ZDHHC17: variants seen among roughly 807,000 people sequenced by gnomAD.
The protein encoded by ZDHHC17 is zDHHC palmitoyltransferase 17.
In ZDHHC17, 40 loss-of-function variants were observed where a neutral mutation model predicts 90.3. That is an observed-to-expected ratio of 0.44 (90% CI 0.34 to 0.58). The LOEUF is 0.58. Ranked by LOEUF, ZDHHC17 falls within the 20% of genes least tolerant of loss-of-function variation. The pLI is 0.01. For missense variants in ZDHHC17, 614 were observed against 780.8 expected, an observed-to-expected ratio of 0.79 and a Z score of 2.55; for synonymous variants, 235 against 252.4, an observed-to-expected ratio of 0.93 and a Z score of 0.65.
At chr12:76,813,884 A>G (rs2137767588) in intron 5 of ZDHHC17, among the ~76,000 whole-genome samples, 1 of 152,236 alleles carries the variant, frequency 6.6e-6, no homozygotes, top group East Asian at 1.9e-4. Context: ...AAAGTAATTT[A>G]GCCTACAATC....
At chr12:76,828,548 A>T in intron 10 of ZDHHC17, 58 bp downstream of exon 10, 1 of 1,469,908 alleles carries the variant, frequency 6.8e-7, no homozygotes, top group Non-Finnish European at 9.5e-7. Context: ...ATTTGAATAG[A>T]TGTTTAATAA....
chr12:76,809,047 T>C lies in ZDHHC17; in HGVS notation c.325T>C (p.Tyr109His). 6.6e-7 allele frequency: 1 copy of C among 1,522,444 alleles called. No individual in the cohort carries two copies. Among genetic ancestry groups the C allele is most frequent in the South Asian group, 1.4e-5 (1 of 73,486 alleles). 94.3% of individuals were successfully genotyped at this position (1,522,444 alleles called of 1,614,324 possible). A position where few individuals can be genotyped will look rare whatever the true frequency, so the allele number is the denominator to read the frequency against. The change falls in exon 4 of 17, where the codon TAT (tyrosine) becomes CAT (histidine). Residue 109 changes from tyrosine (Y) to histidine (H), a missense_variant. Coordinates refer to ENST00000426126, the MANE Select transcript of ZDHHC17 (RefSeq NM_015336.4). ...INNRIDLVKY[Y>H]ISKGAIVDQL... ...ATTATAAATTTTGTCTTATAGATAC[T>C]ATATTTCGAAAGGTGCTATTGTGGA...
chr12:76,765,633 G>A (rs1010698545), intron 1 of ZDHHC17, among the ~76,000 whole-genome samples: 6 of 152,204 alleles, frequency 3.9e-5, no homozygotes, highest in African/African-American at 1.2e-4. Flanking sequence ...TGAAAATGTT[G>A]CTAAGTGATT....
chr12:76,775,610 T>C (rs1170416765), intron 1 of ZDHHC17, among the ~76,000 whole-genome samples: 2 of 152,176 alleles, frequency 1.3e-5, no homozygotes, highest in Non-Finnish European at 2.9e-5. Context: ...AAGCATTCAG[T>C]TCAGTTGGCA....
chr12:76,785,879 A>G (rs1157608698), intron 1 of ZDHHC17, among the ~76,000 whole-genome samples: 1 of 152,198 alleles, frequency 6.6e-6, no homozygotes. Flanking sequence ...GGACCACTTC[A>G]TGAAGGATTT....
rs79343145 is a variant in ZDHHC17 at position 76,776,955 on chromosome 12, G to C, written c.93+12626G>C. 4.3e-3 allele frequency among the ~76,000 whole-genome samples: 655 copies of C among 152,260 alleles called. 5 individuals carry two copies. The highest frequency in any genetic ancestry group is 0.015 in the African/African-American group (625 of 41,550). The stretch of plus-strand genomic sequence containing the variant: ...AACTTTTCTTGAACTTTTTAAAATA[G>C]TTGTAGATTCACATGCAGTTGTAAG... On this transcript the variant is annotated intron_variant, in intron 1 of 16. Coordinates refer to ENST00000426126, the MANE Select transcript of ZDHHC17 (RefSeq NM_015336.4).
chr12:76,790,956 G>T (rs1423084449), intron 1 of ZDHHC17, among the ~76,000 whole-genome samples: 2 of 152,124 alleles, frequency 1.3e-5, no homozygotes, highest in African/African-American at 4.8e-5. Context: ...TACAAACACA[G>T]ATTTTTAATG....
At chr12:76,774,113 G>A (rs534844627) in intron 1 of ZDHHC17, among the ~76,000 whole-genome samples, 2 of 152,138 alleles carry the variant, frequency 1.3e-5, no homozygotes, top group Admixed American at 1.3e-4. Flanking sequence ...AGCTGGGTGT[G>A]GTGATGCATG....
chr12:76,820,957 G>A, intron 7 of ZDHHC17: 1 of 701,546 alleles, frequency 1.4e-6, no homozygotes, highest in South Asian at 1.5e-5. Flanking sequence ...TGAATTGAGT[G>A]TTTATTTTAC....
At chr12:76,773,542 T>A (rs1223581827) in intron 1 of ZDHHC17, among the ~76,000 whole-genome samples, 1 of 152,136 alleles carries the variant, frequency 6.6e-6, no homozygotes, top group African/African-American at 2.4e-5. Context: ...TTCTGCAAAG[T>A]GTATATGTTG....
At chr12:76,827,108 C>T in intron 9 of ZDHHC17, 58 bp downstream of exon 9, 6 of 1,471,000 alleles carry the variant, frequency 4.1e-6, no homozygotes, top group South Asian at 2.9e-5. Context: ...ATAATTTGTA[C>T]TCTTGTATAA....
chr12:76,818,429 G>GTC (rs938967938), intron 7 of ZDHHC17, among the ~76,000 whole-genome samples: 62 of 152,214 alleles, frequency 4.1e-4, no homozygotes, highest in African/African-American at 1.4e-3. Flanking sequence ...GACAGATAAG[G>GTC]TCTCTATTCT....
At chr12:76,822,254 CAT>C (rs1258699774) in intron 7 of ZDHHC17, among the ~76,000 whole-genome samples, 150 bp from the exon 8 acceptor site, 17 of 152,054 alleles carry the variant, frequency 1.1e-4, no homozygotes, top group Non-Finnish European at 2.4e-4. Context: ...TAATAAGAAA[CAT>C]GTAATGATGC....
At chr12:76,764,782 C>T in intron 1 of ZDHHC17, 2 of 458,128 alleles carry the variant, frequency 4.4e-6, no homozygotes, top group Non-Finnish European at 8.8e-6. Flanking sequence ...TGTGAGGGGA[C>T]AGTTTCATGG....
intron 1 of ZDHHC17, among the ~76,000 whole-genome samples, chr12:76,774,297 AAT>A (rs879737650): frequency 4.7e-4 from 39 of 83,310 alleles, no homozygotes; most frequent in Admixed American, 2.2e-3. Context: ...TATGTGTGTA[AAT>A]ATATATATAT....
chr12:76,814,715 T>G (rs539432752), intron 5 of ZDHHC17, among the ~76,000 whole-genome samples: 2 of 152,066 alleles, frequency 1.3e-5, no homozygotes, highest in East Asian at 3.9e-4. Flanking sequence ...AATGTACATG[T>G]GTAACAGTAA....
intron 1 of ZDHHC17, among the ~76,000 whole-genome samples, chr12:76,788,131 A>T (rs1389241609): frequency 1.3e-5 from 2 of 152,172 alleles, no homozygotes; most frequent in African/African-American, 4.8e-5. Flanking sequence ...TGTGGGTGGG[A>T]TAGTAGGTTT....
At chr12:76,826,668 G>C (rs1953234396) in intron 8 of ZDHHC17, among the ~76,000 whole-genome samples, 1 of 152,112 alleles carries the variant, frequency 6.6e-6, no homozygotes, top group Admixed American at 6.6e-5. Flanking sequence ...TAACCATATA[G>C]AACCAACTGC....
intron 13 of ZDHHC17, 31 bp from the exon 14 acceptor site, chr12:76,846,565 T>C: frequency 6.3e-7 from 1 of 1,585,524 alleles, no homozygotes; most frequent in Non-Finnish European, 8.6e-7. Context: ...TTTTCTTAGC[T>C]GAAAAACCTT....
Sources: allele counts gnomAD v4.1 joint callset (sites outside exome capture counted in the v4.1 genomes callset), GRCh38; gene constraint gnomAD v4.1.1; transcripts MANE v1.5; gene names NCBI Gene and HGNC (gene_info 2026-07-23, HGNC 2026-07-21).